The following TRPC4 variants were observed in gnomAD, a reference collection of about 807,000 sequenced individuals.
TRPC4 encodes the protein transient receptor potential cation channel subfamily C member 4.
A neutral mutation model predicts 99.4 loss-of-function variants in TRPC4; 49 were observed. That is an observed-to-expected ratio of 0.49 (90% CI 0.39 to 0.63). The LOEUF is 0.63. Ranked by LOEUF, TRPC4 falls within the 20% of genes least tolerant of loss-of-function variation. The pLI, the probability that TRPC4 is intolerant of heterozygous loss-of-function variation, is 0.00. For synonymous variants in TRPC4, 454 were observed against 425.9 expected, an observed-to-expected ratio of 1.07 and a Z score of -0.81; for missense variants, 898 against 1,152.9, an observed-to-expected ratio of 0.78 and a Z score of 3.20.
chr13:37,640,100 A>G (rs1951671719), intron 8 of TRPC4, among the ~76,000 whole-genome samples: 1 of 152,084 alleles, frequency 6.6e-6, no homozygotes, highest in South Asian at 2.1e-4. Flanking sequence ...AACCCTACAT[A>G]ATCCCAATTT....
At chr13:37,807,836 G>A (rs1326076654) in intron 1 of TRPC4, among the ~76,000 whole-genome samples, 1 of 151,966 alleles carries the variant, frequency 6.6e-6, no homozygotes, top group African/African-American at 2.4e-5. Context: ...AAAATCCTCT[G>A]TAGTCATATT....
intron 1 of TRPC4, among the ~76,000 whole-genome samples, chr13:37,830,765 A>G (rs1295489425): frequency 1.4e-5 from 2 of 146,294 alleles, no homozygotes; most frequent in Admixed American, 7.0e-5. Flanking sequence ...CTATGGTGGT[A>G]TAAATAACAT....
rs1955720074 is a variant in TRPC4 at position 37,745,457 on chromosome 13, T to TATGCATATATATATATATATATATGC, written c.897+479_897+480insGCATATATATATATATATATATGCAT. Among the ~76,000 whole-genome samples the TATGCATATATATATATATATATATGC allele has an allele frequency of 1.2e-3, 10 of 8,046 alleles. No homozygotes were observed. In the South Asian group the frequency reaches 0.02, roughly 16 times the overall value. The allele number at this position is 8,046 out of a possible 152,430, so 5.3% of individuals were successfully genotyped here. A position where few individuals can be genotyped will look rare whatever the true frequency, so the allele number is the denominator to read the frequency against. On this transcript the variant is annotated intron_variant, in intron 3 of 10. Coordinates refer to ENST00000379705, the MANE Select transcript of TRPC4 (RefSeq NM_016179.4). ...ATGCGTATATATATATATATATATA[T>TATGCATATATATATATATATATATGC]ATATATATATATATATACACACACA...
intron 4 of TRPC4, among the ~76,000 whole-genome samples, chr13:37,675,220 A>T (rs1199746135): frequency 6.6e-6 from 1 of 152,204 alleles, no homozygotes; most frequent in African/African-American, 2.4e-5. Flanking sequence ...TATTATCCCT[A>T]CACTGACTCA....
chr13:37,861,501 G>T (rs1466571429), intron 1 of TRPC4, among the ~76,000 whole-genome samples: 1 of 151,518 alleles, frequency 6.6e-6, no homozygotes, highest in East Asian at 1.9e-4. Context: ...ACAATAGAAT[G>T]CAAAGCAGTT....
intron 1 of TRPC4, among the ~76,000 whole-genome samples, chr13:37,821,164 C>A (rs905280420): frequency 6.9e-6 from 1 of 144,204 alleles, no homozygotes; most frequent in African/African-American, 2.5e-5. Context: ...AAAGCCAAAT[C>A]ATGAATGAAA....
chr13:37,751,586 A>C (rs187140598), intron 2 of TRPC4, among the ~76,000 whole-genome samples: 1 of 152,106 alleles, frequency 6.6e-6, no homozygotes, highest in Non-Finnish European at 1.5e-5. Context: ...TCCCTCCACT[A>C]CTGCAAATGC....
intron 1 of TRPC4, among the ~76,000 whole-genome samples, chr13:37,833,118 T>A (rs1455574748): frequency 1.3e-5 from 2 of 152,114 alleles, no homozygotes; most frequent in African/African-American, 4.8e-5. Context: ...TGCTTTTGCT[T>A]CACAGAGATT....
intron 2 of TRPC4, among the ~76,000 whole-genome samples, chr13:37,749,075 C>T (rs1232946152): frequency 1.3e-5 from 2 of 152,084 alleles, no homozygotes; most frequent in Non-Finnish European, 2.9e-5. Flanking sequence ...AGAGTTCTCA[C>T]AATATCTGGC....
intron 8 of TRPC4, 118 bp downstream of exon 8, chr13:37,651,147 T>A: frequency 9.0e-7 from 1 of 1,112,054 alleles, no homozygotes; most frequent in Non-Finnish European, 1.3e-6. Flanking sequence ...TAAATGTTCA[T>A]GACATGCAAT....
chr13:37,649,845 C>T (rs560238236), intron 8 of TRPC4, among the ~76,000 whole-genome samples: 60 of 151,622 alleles, frequency 4.0e-4, no homozygotes, highest in African/African-American at 1.4e-3. Flanking sequence ...ATTTCACTCC[C>T]TTCTAAGGTC....
chr13:37,767,583 A>T (rs1956412626), intron 2 of TRPC4, among the ~76,000 whole-genome samples: 1 of 151,276 alleles, frequency 6.6e-6, no homozygotes, highest in African/African-American at 2.4e-5. Flanking sequence ...AAATTGAAGA[A>T]AAATATATAT....
intron 3 of TRPC4, among the ~76,000 whole-genome samples, chr13:37,701,829 T>A (rs559963628): frequency 6.6e-6 from 1 of 152,330 alleles, no homozygotes; most frequent in Non-Finnish European, 1.5e-5. Context: ...TATTGAAATG[T>A]TTTATACATA....
intron 1 of TRPC4, among the ~76,000 whole-genome samples, chr13:37,835,629 T>C (rs1328025511): frequency 6.6e-6 from 1 of 152,090 alleles, no homozygotes. Flanking sequence ...CTGGAAACTT[T>C]GACATGACAG....
At chr13:37,758,463 A>T (rs754945924) in intron 2 of TRPC4, among the ~76,000 whole-genome samples, 10 of 151,804 alleles carry the variant, frequency 6.6e-5, no homozygotes, top group Non-Finnish European at 1.3e-4. Flanking sequence ...ATAAAGAGTG[A>T]AAACTTTTTT....
At chr13:37,856,570 C>T (rs1277062774) in intron 1 of TRPC4, among the ~76,000 whole-genome samples, 2 of 150,912 alleles carry the variant, frequency 1.3e-5, no homozygotes, top group Non-Finnish European at 1.5e-5. Flanking sequence ...GACAAAGACA[C>T]ATTAAAAAAA....
At chr13:37,723,440 T>G (rs547239399) in intron 3 of TRPC4, among the ~76,000 whole-genome samples, 8 of 152,356 alleles carry the variant, frequency 5.3e-5, no homozygotes, top group African/African-American at 1.9e-4. Context: ...TAAGCTAATA[T>G]TTTGTTCCCC....
Position 37,833,467 on chromosome 13 carries a change from C to T in TRPC4, c.-28+36128G>A, listed in dbSNP as rs181088587. Among the ~76,000 whole-genome samples the T allele has an allele frequency of 1.6e-3, 250 of 152,242 alleles. 1 individual carries two copies. Among genetic ancestry groups the T allele is most frequent in the African/African-American group, 5.6e-3 (231 of 41,554 alleles). Reference sequence around the variant, plus strand: ...GCCCATTAATTCACTTAGCTGTTAACGTCTTTCCTACTAGTGAAGATGGGC... The same window carrying T: ...GCCCATTAATTCACTTAGCTGTTAATGTCTTTCCTACTAGTGAAGATGGGC... On this transcript the variant is annotated intron_variant, in intron 1 of 10. Coordinates refer to ENST00000379705, the MANE Select transcript of TRPC4 (RefSeq NM_016179.4).
At chr13:37,819,986 C>T (rs1957968809) in intron 1 of TRPC4, among the ~76,000 whole-genome samples, 2 of 151,468 alleles carry the variant, frequency 1.3e-5, no homozygotes, top group Non-Finnish European at 2.9e-5. Flanking sequence ...AAAAACCACA[C>T]AAAAGATCAA....
Sources: gnomAD v4.1 joint callset for allele counts (sites outside exome capture counted in the v4.1 genomes callset) on GRCh38, gnomAD v4.1.1 for gene constraint, MANE v1.5 for transcripts, NCBI Gene and HGNC (gene_info 2026-07-23, HGNC 2026-07-21) for gene names.